Variants in ATRN observed in about 807,000 individuals in gnomAD.
The protein encoded by ATRN is attractin, also known as attractin-2.
In ATRN, 54 loss-of-function variants were observed where a neutral mutation model predicts 178.7. The observed-to-expected ratio is 0.30, with a 90% CI of 0.24 to 0.38. The LOEUF (loss-of-function observed/expected upper bound fraction) is 0.38. Among genes scored for constraint, ATRN ranks in the 10% least tolerant of loss-of-function variants. The pLI is 1.00. For synonymous variants in ATRN, 636 were observed against 663.0 expected (o/e 0.96, Z 0.63); for missense variants, 1,443 against 1,815.1 (o/e 0.79, Z 3.73).
rs117317513 is a variant in ATRN at position 3,503,342 on chromosome 20, A to G, written c.410+31825A>G. On this transcript the variant is annotated intron_variant, in intron 1 of 28. Transcript: ENST00000262919. The stretch of plus-strand genomic sequence containing the variant: ...ATAGCAAATCACTTGTCATACCATC[A>G]ACAAAGGAAACCACAAATTGAATCA... Among the ~76,000 whole-genome samples, 1,122 of 152,312 alleles carry G rather than the reference A, an allele frequency of 7.4e-3. 9 individuals carry two copies. The highest frequency in any genetic ancestry group is 0.013 in the Non-Finnish European group (890 of 68,022).
intron 28 of ATRN, among the ~76,000 whole-genome samples, 189 bp from the exon 29 acceptor site, chr20:3,646,534 G>A (rs537258348): frequency 1.4e-4 from 21 of 152,312 alleles, no homozygotes; most frequent in Non-Finnish European, 2.9e-5. Flanking sequence ...AGGGGAAGGC[G>A]GAGGGAGGGT....
chr20:3,491,337 A>G (rs1372360570), intron 1 of ATRN, among the ~76,000 whole-genome samples: 1 of 152,210 alleles, frequency 6.6e-6, no homozygotes, highest in Non-Finnish European at 1.5e-5. Flanking sequence ...AGCAGTGTCC[A>G]CAGCTTGTCA....
intron 1 of ATRN, among the ~76,000 whole-genome samples, chr20:3,481,688 G>A (rs901397883): frequency 2.7e-5 from 4 of 150,730 alleles, no homozygotes; most frequent in Non-Finnish European, 4.4e-5. Context: ...TTCAGTTTGC[G>A]TTTTGGGTGG....
intron 18 of ATRN, among the ~76,000 whole-genome samples, chr20:3,590,401 G>A (rs658033): frequency 0.036 from 5,432 of 152,302 alleles, 141 homozygotes; most frequent in Non-Finnish European, 0.05. Flanking sequence ...TGCAGGTTGT[G>A]CACTATGTAA....
In ATRN at chr20:3,547,333, A is replaced by T. The variant is rs748613292; in HGVS notation, c.787A>T (p.Ser263Cys). ...NCSGRGECKI[S>C]NSSDTVECEC... The stretch of plus-strand genomic sequence containing the variant: ...CTCAGGCCGAGGAGAGTGTAAGATC[A>T]GTAATAGCAGCGATACTGTTGAATG... The change falls in exon 5 of 29, where the codon AGT becomes TGT. Residue 263 changes from serine to cysteine, a missense_variant. Around this residue, in one of 4 missense-constraint regions of ATRN, gnomAD observed 862 missense variants for 972.1 expected, o/e 0.89. Transcript: ENST00000262919. The T allele has an allele frequency of 6.2e-7, 1 of 1,614,064 alleles. No individual in the cohort carries two copies. The highest frequency in any genetic ancestry group is 1.7e-5 in the Admixed American group (1 of 60,008).
At chr20:3,474,052 G>A (rs551496085) in intron 1 of ATRN, among the ~76,000 whole-genome samples, 21 of 152,258 alleles carry the variant, frequency 1.4e-4, no homozygotes, top group African/African-American at 4.6e-4. Flanking sequence ...TGAGTTTGGG[G>A]TGCTCTCAGA....
chr20:3,587,284 T>C (rs1053330760), intron 18 of ATRN, among the ~76,000 whole-genome samples: 3 of 152,184 alleles, frequency 2.0e-5, no homozygotes, highest in African/African-American at 4.8e-5. Context: ...TGGTATTGTA[T>C]CTAGAAAATC....
At chr20:3,525,619 A>G (rs6051919) in intron 1 of ATRN, among the ~76,000 whole-genome samples, 7,824 of 152,232 alleles carry the variant, frequency 0.051, 602 homozygotes, top group African/African-American at 0.17. Flanking sequence ...TCAGGCCAAT[A>G]TCCTTGATAA....
Position 3,587,805 on chromosome 20 carries a change from T to C in ATRN, c.3184+2925T>C, listed in dbSNP as rs1444625893. 2.0e-5 allele frequency among the ~76,000 whole-genome samples: 3 copies of C among 152,150 alleles called. No homozygotes were observed. The East Asian group carries it at 5.8e-4, about 29-fold the overall frequency. On this transcript the variant is annotated intron_variant, in intron 18 of 28. Transcript: ENST00000262919. ...TTGATAAGGTTTGCATTGAATCTAC[T>C]GACCAATTTGGGGTGTATTGCCTGT...
chr20:3,597,059 C>CAT (rs1405842422), intron 21 of ATRN, among the ~76,000 whole-genome samples: 3 of 24,346 alleles, frequency 1.2e-4, no homozygotes, highest in Non-Finnish European at 1.8e-4. Flanking sequence ...AATATGACTT[C>CAT]ATATATATAT....
intron 3 of ATRN, among the ~76,000 whole-genome samples, chr20:3,540,681 T>C (rs1442564421): frequency 6.6e-6 from 1 of 152,182 alleles, no homozygotes; most frequent in Admixed American, 6.5e-5. Context: ...CTGTGAAAAA[T>C]TTAAATCAGG....
chr20:3,649,168 T>C lies in ATRN; in HGVS notation c.*2321T>C, dbSNP rs1306065627. The C allele has an allele frequency of 1.3e-5, 2 of 152,302 alleles. No homozygotes were observed. Among genetic ancestry groups the C allele is most frequent in the African/African-American group, 4.8e-5 (2 of 41,410 alleles). 9.4% of individuals were successfully genotyped at this position (152,302 alleles called of 1,614,324 possible). On this transcript the variant is annotated 3_prime_UTR_variant, in exon 29 of 29. Transcript: ENST00000262919. ...CCGGCCTCAGGGCAGAAAAAGGGAA[T>C]GGCAGGGAGTAAGAGGCGCTGGGCT...
In ATRN at chr20:3,560,757, G is replaced by A. The variant is rs2085939985; in HGVS notation, c.1299G>A (p.Leu433=). 6.2e-7 allele frequency: 1 copy of A among 1,614,118 alleles called. No homozygotes were observed. Among genetic ancestry groups the A allele is most frequent in the East Asian group, 2.2e-5 (1 of 44,878 alleles). The change falls in exon 8 of 29, where the codon TTG becomes TTA. Residue 433 remains leucine (L), a synonymous_variant. Transcript: ENST00000262919. Reference sequence around the variant, plus strand: ...ACATTCATAATGAGTCATGGGTGTTGTTGACCCCTAAGGCAAAGGAGCAGT... The same window carrying A: ...ACATTCATAATGAGTCATGGGTGTTATTGACCCCTAAGGCAAAGGAGCAGT... The part of the protein sequence containing the change: ...VFHIHNESWV[L]LTPKAKEQYA...
In ATRN at chr20:3,604,115, G is replaced by A. The variant is rs867207779; in HGVS notation, c.3654G>A (p.Gln1218=). Residue 1218 remains glutamine (Q), a synonymous_variant, in exon 24 of 29, where the codon CAG becomes CAA. Coordinates refer to ENST00000262919, the MANE Select transcript of ATRN (RefSeq NM_139321.3). ...TWAASFSAGT[Q]AGEEMPVVSK... is the part of the protein sequence containing the mutation. ...TTTTTCTTTTAACAGCTGGAACCCA[G>A]GCTGGAGAAGAGATGCCTGTTGTTT... The A allele has an allele frequency of 1.9e-6, 3 of 1,584,824 alleles. No individual in the cohort carries two copies. The highest frequency in any genetic ancestry group is 2.7e-5 in the African/African-American group (2 of 73,246).
chr20:3,643,798 CA>C (rs2087087134), intron 27 of ATRN, among the ~76,000 whole-genome samples: 1 of 152,222 alleles, frequency 6.6e-6, no homozygotes, highest in Admixed American at 6.5e-5. Context: ...ATCTACCAAG[CA>C]CTCACCACTG....
Position 3,638,317 on chromosome 20 carries a change from G to A in ATRN, c.3943-511G>A, listed in dbSNP as rs1292711020. 1.3e-5 allele frequency among the ~76,000 whole-genome samples: 2 copies of A among 152,018 alleles called. No homozygotes were observed. Among genetic ancestry groups the A allele is most frequent in the African/African-American group, 4.8e-5 (2 of 41,398 alleles). ...CCCCTGACAGGCCCCAGTGTGTGAT[G>A]TTCCCTTCCCTGTGTCCATGTGTTC... On this transcript the variant is annotated intron_variant, in intron 26 of 28. Coordinates refer to ENST00000262919, the MANE Select transcript of ATRN (RefSeq NM_139321.3). The surrounding 1 kb of genome is among the most constrained non-coding windows in gnomAD (Gnocchi z 4.5).
intron 1 of ATRN, among the ~76,000 whole-genome samples, chr20:3,511,788 A>G (rs1033152329): frequency 9.9e-5 from 15 of 152,122 alleles, no homozygotes; most frequent in Non-Finnish European, 1.5e-4. Context: ...TTTCTTGACA[A>G]TCTTAATCAT....
intron 1 of ATRN, among the ~76,000 whole-genome samples, chr20:3,511,984 G>A (rs560305459): frequency 6.8e-6 from 1 of 147,816 alleles, no homozygotes; most frequent in Non-Finnish European, 1.5e-5. Context: ...CTGTTTTTGT[G>A]AGGCCAAGTA....
At chr20:3,587,971 C>T (rs1169406977) in intron 18 of ATRN, among the ~76,000 whole-genome samples, 3 of 152,198 alleles carry the variant, frequency 2.0e-5, no homozygotes, top group East Asian at 1.9e-4. Context: ...CTCAGCCTCT[C>T]GAGTAACTGG....
Sources: allele counts gnomAD v4.1 joint callset (sites outside exome capture counted in the v4.1 genomes callset), GRCh38; gene constraint gnomAD v4.1.1; regional missense constraint gnomAD v4.1.1; non-coding constraint Gnocchi (gnomAD v3.1); transcripts MANE v1.5; gene names NCBI Gene and HGNC (gene_info 2026-07-23, HGNC 2026-07-21).